PVT1: variants seen among roughly 807,000 people sequenced by gnomAD.
PVT1 encodes CXCR4/PVT1 fusion.
intron 2 of PVT1, chr8:127,855,428 C>A: frequency 2.6e-6 from 1 of 383,266 alleles, no homozygotes; most frequent in Admixed American, 4.5e-5. Context: ...TGTCTTCTGG[C>A]CTTAGAGAAA....
chr8:127,921,159 C>A (rs1816052057), intron 3 of PVT1, among the ~76,000 whole-genome samples: 1 of 152,104 alleles, frequency 6.6e-6, no homozygotes, highest in African/African-American at 2.4e-5. Flanking sequence ...CAGCAAAGGC[C>A]TGTGAGAGGC....
intron 4 of PVT1, among the ~76,000 whole-genome samples, chr8:128,020,727 T>C (rs1322491488): frequency 1.3e-5 from 2 of 152,194 alleles, no homozygotes; most frequent in Non-Finnish European, 2.9e-5. Flanking sequence ...GAGGTAATTA[T>C]ATGTGTTGTT....
At chr8:128,048,687 T>C (rs1347930064) in intron 4 of PVT1, 2 of 152,550 alleles carry the variant, frequency 1.3e-5, no homozygotes, top group African/African-American at 4.8e-5. Flanking sequence ...TACTTAACCT[T>C]GCTGAATCTC....
chr8:127,942,327 G>T (rs917730234), intron 3 of PVT1, among the ~76,000 whole-genome samples: 1 of 152,150 alleles, frequency 6.6e-6, no homozygotes, highest in African/African-American at 2.4e-5. Flanking sequence ...CTCAACCCAG[G>T]TTCATCTGCC....
At chr8:127,968,603 A>G (rs1170148487) in intron 3 of PVT1, among the ~76,000 whole-genome samples, 3 of 152,196 alleles carry the variant, frequency 2.0e-5, no homozygotes, top group African/African-American at 7.2e-5. Flanking sequence ...AGGGTGTATC[A>G]GGGAGGCCCT....
At chr8:127,944,425 C>T (rs572211334) in intron 3 of PVT1, among the ~76,000 whole-genome samples, 10 of 152,186 alleles carry the variant, frequency 6.6e-5, no homozygotes, top group Non-Finnish European at 1.5e-4. Flanking sequence ...GCCCAGCTTT[C>T]ATACTTTCAG....
intron 2 of PVT1, among the ~76,000 whole-genome samples, chr8:127,821,187 C>T (rs1003452411): frequency 2.0e-5 from 3 of 152,150 alleles, no homozygotes; most frequent in Admixed American, 6.5e-5. Context: ...GCATTTTTAA[C>T]GTGGGGACAC....
chr8:128,060,905 CTTTTT>C (rs35320355), intron 4 of PVT1, among the ~76,000 whole-genome samples: 1 of 123,630 alleles, frequency 8.1e-6, no homozygotes, highest in African/African-American at 3.1e-5. Flanking sequence ...TAGGCAACTA[CTTTTT>C]TTTTTTTTTT....
Position 127,963,810 on chromosome 8 carries a change from A to G in PVT1, n.783-25352A>G, listed in dbSNP as rs75836580. 2.1e-3 allele frequency among the ~76,000 whole-genome samples: 319 copies of G among 152,214 alleles called. 8 individuals carry two copies. In the East Asian group the frequency reaches 0.058, roughly 28 times the overall value. On this transcript the variant is annotated intron_variant and non_coding_transcript_variant, in intron 3 of 10. Coordinates refer to ENST00000651587, the Ensembl canonical transcript of PVT1. ...AATGGAGTCCTGCCCTAAATCCAGC[A>G]TGGCCTTTGTCCTGCGTGCCTTGGG...
chr8:127,931,360 G>T (rs761047521), intron 3 of PVT1, among the ~76,000 whole-genome samples: 1 of 152,182 alleles, frequency 6.6e-6, no homozygotes, highest in South Asian at 2.1e-4. Flanking sequence ...TCTGCTGAAT[G>T]CAGGCCCCAT....
intron 4 of PVT1, among the ~76,000 whole-genome samples, chr8:128,001,138 C>T (rs1047266054): frequency 6.6e-6 from 1 of 152,192 alleles, no homozygotes; most frequent in African/African-American, 2.4e-5. Flanking sequence ...CACCGCCTAC[C>T]GCCCACCTGC....
chr8:127,796,885 T>TA (rs1475798117), intron 2 of PVT1, among the ~76,000 whole-genome samples: 1 of 149,194 alleles, frequency 6.7e-6, no homozygotes, highest in African/African-American at 2.4e-5. Context: ...TGCTTTTTTT[T>TA]TTTTTTTTTT....
intron 4 of PVT1, among the ~76,000 whole-genome samples, chr8:128,060,224 C>G (rs142110830): frequency 7.8e-4 from 119 of 152,246 alleles, no homozygotes; most frequent in African/African-American, 2.6e-3. Context: ...CCACTGCACT[C>G]CAGCCTGGGC....
At chr8:127,802,001 C>T (rs905202914) in intron 2 of PVT1, among the ~76,000 whole-genome samples, 28 of 151,766 alleles carry the variant, frequency 1.8e-4, no homozygotes, top group Middle Eastern at 3.2e-3. Context: ...TTGCAACTTC[C>T]GCCTCCCGGG....
chr8:128,078,432 G>C (rs1814121212), intron 5 of PVT1, among the ~76,000 whole-genome samples: 1 of 152,178 alleles, frequency 6.6e-6, no homozygotes, highest in Admixed American at 6.5e-5. Context: ...TTTCTTACTT[G>C]CTTGTAAGCA....
chr8:127,988,526 T>G (rs923377482), intron 3 of PVT1, among the ~76,000 whole-genome samples: 3 of 152,218 alleles, frequency 2.0e-5, no homozygotes, highest in African/African-American at 7.2e-5. Flanking sequence ...GTCCCACCCC[T>G]TTTGACCACC....
At chr8:127,808,567 G>C (rs529959401) in intron 2 of PVT1, among the ~76,000 whole-genome samples, 20 of 152,138 alleles carry the variant, frequency 1.3e-4, no homozygotes, top group Non-Finnish European at 2.4e-4. Context: ...TGGCTAAGCT[G>C]GGTGGTTCCT....
At chr8:127,991,140 C>CTTTTTTTTTTTTTTTTTT (rs35494368) in intron 4 of PVT1, among the ~76,000 whole-genome samples, 4 of 73,122 alleles carry the variant, frequency 5.5e-5, no homozygotes, top group Non-Finnish European at 1.1e-4. Flanking sequence ...TCTTTTCTTT[C>CTTTTTTTTTTTTTTTTTT]TTTTTTTTTT....
At chr8:127,856,940 C>A (rs1003628215) in intron 2 of PVT1, among the ~76,000 whole-genome samples, 1 of 152,176 alleles carries the variant, frequency 6.6e-6, no homozygotes, top group East Asian at 1.9e-4. Context: ...TAAAATAATC[C>A]GAGGGCTGGG....
Sources: allele counts gnomAD v4.1 joint callset (sites outside exome capture counted in the v4.1 genomes callset), GRCh38; gene constraint gnomAD v4.1.1; transcripts MANE v1.5; gene names NCBI Gene and HGNC (gene_info 2026-07-23, HGNC 2026-07-21).